Variants in ABL2 observed in about 807,000 individuals in gnomAD.
ABL2 encodes tyrosine-protein kinase ABL2.
In ABL2, 49 loss-of-function variants were observed where a neutral mutation model predicts 107.7. That is an observed-to-expected ratio of 0.45 (90% CI 0.36 to 0.58). ABL2 has a LOEUF of 0.58. Among genes scored for constraint, ABL2 ranks in the 20% least tolerant of loss-of-function variants. The probability of loss-of-function intolerance (pLI) is 0.00; values close to 1 mark genes in which losing one functional copy is unlikely to be tolerated. For missense variants in ABL2, 1,245 were observed against 1,457.0 expected (o/e 0.85, Z 2.37); for synonymous variants, 549 against 548.6 (o/e 1.00, Z -0.01).
chr1:179,139,916 C>T (rs1353182995), intron 1 of ABL2, among the ~76,000 whole-genome samples: 1 of 152,184 alleles, frequency 6.6e-6, no homozygotes, highest in African/African-American at 2.4e-5. Context: ...CGCTCCCCAC[C>T]CAGTCTGTGA....
intron 1 of ABL2, among the ~76,000 whole-genome samples, chr1:179,142,749 T>G (rs1296973829): frequency 6.6e-6 from 1 of 152,218 alleles, no homozygotes; most frequent in Non-Finnish European, 1.5e-5. Flanking sequence ...ATCCATACAT[T>G]CTTCCATTCA....
intron 4 of ABL2, among the ~76,000 whole-genome samples, chr1:179,124,486 T>TTTTTTTTTA (rs869136521): frequency 6.8e-6 from 1 of 146,422 alleles, no homozygotes; most frequent in Non-Finnish European, 1.5e-5. Context: ...TTTTTTTTTT[T>TTTTTTTTTA]GAGACAGAGT....
chr1:179,130,422 T>G lies in ABL2; in HGVS notation c.391+889A>C, dbSNP rs2102660079. Among the ~76,000 whole-genome samples, 2 of 152,362 alleles carry G rather than the reference T, an allele frequency of 1.3e-5. 1 individual carries two copies. Among genetic ancestry groups the G allele is most frequent in the South Asian group, 4.1e-4 (2 of 4,834 alleles). ...TATCACTAAGCACACTATTTATTAC[T>G]TAGTTCAGCTAATAGTTTTACCTTT... On this transcript the variant is annotated intron_variant, in intron 3 of 11. Transcript: ENST00000502732.
intron 1 of ABL2, among the ~76,000 whole-genome samples, chr1:179,164,776 C>T (rs1659280721): frequency 6.6e-6 from 1 of 152,200 alleles, no homozygotes; most frequent in Non-Finnish European, 1.5e-5. Context: ...ACTATAGTTT[C>T]TATGCATGAA....
intron 9 of ABL2, among the ~76,000 whole-genome samples, chr1:179,114,226 C>G (rs1377169936): frequency 1.3e-5 from 2 of 151,224 alleles, no homozygotes; most frequent in Admixed American, 6.6e-5. Context: ...CCAGCATGGG[C>G]AACATAGTGA....
At position 179,103,428 on chromosome 1, in the gene ABL2, C is replaced by A. The variant is rs1327845641; in HGVS notation, c.*4290G>T. 4.9e-6 allele frequency: 1 copy of A among 203,058 alleles called. No individual in the cohort carries two copies. Among genetic ancestry groups the A allele is most frequent in the Non-Finnish European group, 1.0e-5 (1 of 99,158 alleles). 12.6% of individuals were successfully genotyped at this position (203,058 alleles called of 1,614,324 possible). On this transcript the variant is annotated 3_prime_UTR_variant, in exon 12 of 12. Transcript: ENST00000502732. ...AGTTGATATTTTCTCAAAGTGCTGT[C>A]ATATACATTATCTCATAGTCATTAA...
At chr1:179,225,055 A>C (rs898231809) in intron 1 of ABL2, among the ~76,000 whole-genome samples, 39 of 151,936 alleles carry the variant, frequency 2.6e-4, no homozygotes, top group South Asian at 1.0e-3. Context: ...AAGAGTTGAC[A>C]AAAAAAATAG....
At chr1:179,197,290 G>A (rs1279090357) in intron 1 of ABL2, among the ~76,000 whole-genome samples, 1 of 151,832 alleles carries the variant, frequency 6.6e-6, no homozygotes, top group Non-Finnish European at 1.5e-5. Context: ...AGATAGAAAT[G>A]ACAGATTGTC....
At position 179,117,475 on chromosome 1, in the gene ABL2, A is replaced by T; in HGVS notation, c.1265T>A (p.Val422Glu). 6.2e-7 allele frequency: 1 copy of T among 1,614,194 alleles called. No homozygotes were observed. Among genetic ancestry groups the T allele is most frequent in the Non-Finnish European group, 8.5e-7 (1 of 1,180,032 alleles). Residue 422 changes from valine (V) to glutamate (E), a missense_variant, in exon 8 of 12, where the codon GTG becomes GAG. Physicochemically the swap from Val to Glu is moderately radical, Grantham distance 121. Transcript: ENST00000502732. ...TAAGCCAAAGTCAGCCACTTTTACCACATGGTTTTCTCCCACTAGGCAGTT... is the reference window on the plus strand; with the variant it reads ...TAAGCCAAAGTCAGCCACTTTTACCTCATGGTTTTCTCCCACTAGGCAGTT... ...ARNCLVGENH[V>E]VKVADFGLSR...
At position 179,109,306 on chromosome 1, in the gene ABL2, C is replaced by G. The variant is rs199575608; in HGVS notation, c.1961G>C (p.Ser654Thr). ...AGCATTTCTCTTCTTCATGAAGGAG[C>G]TGAAGAAGCCCCCCTTCCTATCCCT... The part of the protein sequence containing the change: ...FTRDRKGGFF[S>T]SFMKKRNAPT... The change falls in exon 12 of 12, where the codon AGC (serine) becomes ACC (threonine). Residue 654 changes from serine (S) to threonine (T), a missense_variant. Physicochemically the swap from Ser to Thr is moderately conservative, Grantham distance 58 (BLOSUM62 1). Coordinates refer to ENST00000502732, the MANE Select transcript of ABL2 (RefSeq NM_007314.4). 5 of 1,613,930 alleles carry G rather than the reference C, an allele frequency of 3.1e-6. No individual in the cohort carries two copies. The highest frequency in any genetic ancestry group is 4.2e-6 in the Non-Finnish European group (5 of 1,180,006).
chr1:179,122,891 C>T lies in ABL2; in HGVS notation c.688-1024G>A, dbSNP rs190785059. On this transcript the variant is annotated intron_variant, in intron 4 of 11. Coordinates refer to ENST00000502732, the MANE Select transcript of ABL2 (RefSeq NM_007314.4). Reference sequence around the variant, plus strand: ...GCCAGGCTGGTCAGGAACTCCTAACCTCAAGTGATCTGCCTGCCTCAGTCT... The same window carrying T: ...GCCAGGCTGGTCAGGAACTCCTAACTTCAAGTGATCTGCCTGCCTCAGTCT... 2.0e-5 allele frequency among the ~76,000 whole-genome samples: 3 copies of T among 152,126 alleles called. No homozygotes were observed. The East Asian group carries it at 5.8e-4, about 30-fold the overall frequency.
At chr1:179,190,771 G>A (rs1267451917) in intron 1 of ABL2, among the ~76,000 whole-genome samples, 1 of 152,142 alleles carries the variant, frequency 6.6e-6, no homozygotes, top group Non-Finnish European at 1.5e-5. Context: ...ACCAGTGAGA[G>A]TCCTAGAATT....
intron 1 of ABL2, among the ~76,000 whole-genome samples, chr1:179,223,294 T>C (rs1326649049): frequency 1.3e-5 from 2 of 151,382 alleles, no homozygotes; most frequent in Admixed American, 6.6e-5. Flanking sequence ...CACGCACCTA[T>C]AGTCCCAGCT....
intron 1 of ABL2, among the ~76,000 whole-genome samples, chr1:179,174,909 TAA>T (rs1298351429): frequency 1.0e-4 from 12 of 117,874 alleles, no homozygotes; most frequent in South Asian, 2.6e-4. Context: ...AAAAAAAAAA[TAA>T]AATAAAAAAA....
At chr1:179,188,371 A>C (rs1571279128) in intron 1 of ABL2, among the ~76,000 whole-genome samples, 1 of 151,710 alleles carries the variant, frequency 6.6e-6, no homozygotes, top group Admixed American at 6.6e-5. Flanking sequence ...GCGAAACCCT[A>C]TCTCTACTAA....
At chr1:179,125,497 C>T (rs183430500) in intron 4 of ABL2, among the ~76,000 whole-genome samples, 1 of 152,278 alleles carries the variant, frequency 6.6e-6, no homozygotes, top group Admixed American at 6.5e-5. Context: ...TGCTAAGTCA[C>T]TCTTATATTA....
intron 6 of ABL2, among the ~76,000 whole-genome samples, chr1:179,119,033 T>C (rs2102618656): frequency 6.6e-6 from 1 of 152,344 alleles, no homozygotes; most frequent in South Asian, 2.1e-4. Flanking sequence ...GTATTAATTC[T>C]ATAAGGGGCC....
At chr1:179,150,340 G>T (rs767892356) in intron 1 of ABL2, among the ~76,000 whole-genome samples, 3 of 152,192 alleles carry the variant, frequency 2.0e-5, no homozygotes, top group Non-Finnish European at 4.4e-5. Flanking sequence ...CATTCTAGAT[G>T]CCATTAAGAG....
intron 1 of ABL2, chr1:179,201,774 A>G: frequency 1.2e-6 from 1 of 867,968 alleles, no homozygotes; most frequent in Non-Finnish European, 1.8e-6. Flanking sequence ...GGAAAATTAT[A>G]TCCACAGAAT....
Sources: allele counts gnomAD v4.1 joint callset (sites outside exome capture counted in the v4.1 genomes callset), GRCh38; gene constraint gnomAD v4.1.1; transcripts MANE v1.5; gene names NCBI Gene and HGNC (gene_info 2026-07-23, HGNC 2026-07-21).